AP2A2: variants seen among roughly 807,000 people sequenced by gnomAD.
AP2A2 encodes adaptor related protein complex 2 subunit alpha 2, also known as AP-2 complex subunit alpha-2.
A neutral mutation model predicts 104.2 loss-of-function variants in AP2A2; 32 were observed. That is an observed-to-expected ratio of 0.31 (90% CI 0.23 to 0.41). AP2A2 has a LOEUF of 0.41. Among genes scored for constraint, AP2A2 ranks in the 10% least tolerant of loss-of-function variants. The pLI, the probability that AP2A2 is intolerant of heterozygous loss-of-function variation, is 1.00. For synonymous variants in AP2A2, 539 were observed against 533.3 expected, an observed-to-expected ratio of 1.01 and a Z score of -0.15; for missense variants, 912 against 1,261.0, an observed-to-expected ratio of 0.72 and a Z score of 4.19.
At chr11:943,917 G>A (rs117570565) in intron 1 of AP2A2, among the ~76,000 whole-genome samples, 7,740 of 134,776 alleles carry the variant, frequency 0.057, 358 homozygotes, top group South Asian at 0.095. Flanking sequence ...GATGGCGAGA[G>A]TAAGAGAGTC....
At chr11:959,336 C>A in intron 1 of AP2A2, 101 bp from the exon 2 acceptor site, 2 of 798,146 alleles carry the variant, frequency 2.5e-6, no homozygotes, top group Non-Finnish European at 4.1e-6. Flanking sequence ...TGAAACGGGG[C>A]CTCATCCCAT....
chr11:994,418 G>C (rs896012151), intron 14 of AP2A2, among the ~76,000 whole-genome samples, 173 bp downstream of exon 14: 49 of 112,614 alleles, frequency 4.4e-4, no homozygotes, highest in East Asian at 8.9e-4. Context: ...TGCTGGACAC[G>C]CTGCTGTCCT....
chr11:971,352 T>C (rs574615257), intron 3 of AP2A2, among the ~76,000 whole-genome samples: 14 of 152,138 alleles, frequency 9.2e-5, no homozygotes, highest in Non-Finnish European at 1.9e-4. Flanking sequence ...TGCCTGGCAG[T>C]GGCCTGGGCG....
chr11:940,106 C>A (rs1169002046), intron 1 of AP2A2, among the ~76,000 whole-genome samples: 1 of 151,882 alleles, frequency 6.6e-6, no homozygotes, highest in Non-Finnish European at 1.5e-5. Flanking sequence ...AGGTGTGTGC[C>A]ACCTGTCTGG....
intron 3 of AP2A2, 80 bp downstream of exon 3, chr11:970,391 C>T (rs1854776607): frequency 6.5e-7 from 1 of 1,542,120 alleles, no homozygotes; most frequent in Non-Finnish European, 8.8e-7. Context: ...TGTAGGGCCG[C>T]TGCTTCCTTC....
chr11:1,006,394 T>G (rs1031433907), intron 16 of AP2A2, 134 bp from the exon 17 acceptor site: 19 of 685,816 alleles, frequency 2.8e-5, no homozygotes, highest in South Asian at 7.7e-5. Context: ...GTTCTTAATT[T>G]TAACAACAGT....
At chr11:967,654 G>A (rs943705349) in intron 2 of AP2A2, among the ~76,000 whole-genome samples, 4 of 152,022 alleles carry the variant, frequency 2.6e-5, no homozygotes, top group African/African-American at 7.3e-5. Flanking sequence ...GCCACCATGC[G>A]CGGCCCTGTT....
At chr11:939,941 G>GT (rs1853588273) in intron 1 of AP2A2, among the ~76,000 whole-genome samples, 1 of 138,974 alleles carries the variant, frequency 7.2e-6, no homozygotes, top group Non-Finnish European at 1.5e-5. Context: ...ATTGCCTTTT[G>GT]TTTTGCTTAC....
chr11:985,309 C>T (rs1284544008), intron 7 of AP2A2, 126 bp from the exon 8 acceptor site: 13 of 1,274,946 alleles, frequency 1.0e-5, no homozygotes, highest in South Asian at 3.0e-5. Context: ...ATGCTTCCAG[C>T]TGGGTACACA....
chr11:951,591 A>G (rs1489043769), intron 1 of AP2A2, among the ~76,000 whole-genome samples: 1 of 152,104 alleles, frequency 6.6e-6, no homozygotes, highest in South Asian at 2.1e-4. Flanking sequence ...TCGTGGCTGG[A>G]CCAGTGCTTT....
chr11:950,311 GTT>G (rs367721619), intron 1 of AP2A2, among the ~76,000 whole-genome samples: 124 of 133,850 alleles, frequency 9.3e-4, no homozygotes, highest in African/African-American at 3.0e-3. Flanking sequence ...TTGGAATATG[GTT>G]TTTTTTTTTT....
chr11:951,399 C>T lies in AP2A2; in HGVS notation c.68-8038C>T, dbSNP rs542359945. Among the ~76,000 whole-genome samples, 39 of 152,066 alleles carry T rather than the reference C, an allele frequency of 2.6e-4. No individual in the cohort carries two copies. In the South Asian group the frequency reaches 6.0e-3, roughly 23 times the overall value. On this transcript the variant is annotated intron_variant, in intron 1 of 21. Coordinates refer to ENST00000448903, the MANE Select transcript of AP2A2 (RefSeq NM_012305.4). ...AAAATTAGCTGGGCGTAGTGGCAGG[C>T]GCCTGTAATTCCAGCTACTTGGGAG...
At chr11:977,061 C>T in intron 4 of AP2A2, 34 bp from the exon 5 acceptor site, 1 of 1,612,398 alleles carries the variant, frequency 6.2e-7, no homozygotes. Context: ...TGTCTTCAGC[C>T]TGTTGCGAGT....
chr11:986,978 G>A, intron 9 of AP2A2, 25 bp downstream of exon 9: 1 of 1,556,440 alleles, frequency 6.4e-7, no homozygotes, highest in South Asian at 1.2e-5. Context: ...CTTGGGTTCT[G>A]CTCACTCCCT....
rs73393715 is a variant in AP2A2, at chr11:1,010,650, G to A, written c.*25G>A. On this transcript the variant is annotated 3_prime_UTR_variant, in exon 22 of 22. Coordinates refer to ENST00000448903, the MANE Select transcript of AP2A2 (RefSeq NM_012305.4). ...GTCCTGAGGATGGAAGACCAGGCTC[G>A]TGTGTCTTGTGTTGTCTTCGTCTGT... 3.1e-4 allele frequency: 483 copies of A among 1,546,028 alleles called. 2 individuals are homozygous for A. In the African/African-American group the frequency reaches 5.7e-3, roughly 18 times the overall value.
Position 1,006,511 on chromosome 11 carries a change from GT to G in AP2A2, c.2207-12del, listed in dbSNP as rs1197921662. 2 of 1,595,168 alleles carry G rather than the reference GT, an allele frequency of 1.3e-6. No homozygotes were observed. Among genetic ancestry groups the G allele is most frequent in the Non-Finnish European group, 1.7e-6 (2 of 1,165,726 alleles). ...GTGAAATGGTGTGTGTGAAAAAATTGTTTTTGTTCCTTCTAGGTCGGATGTT... is the reference window on the plus strand; with the variant it reads ...GTGAAATGGTGTGTGTGAAAAAATTGTTTTGTTCCTTCTAGGTCGGATGTT... On this transcript the variant is annotated splice_polypyrimidine_tract_variant and intron_variant, in intron 16 of 21. Coordinates refer to ENST00000448903, the MANE Select transcript of AP2A2 (RefSeq NM_012305.4).
At chr11:953,593 G>T (rs1854125232) in intron 1 of AP2A2, among the ~76,000 whole-genome samples, 1 of 151,130 alleles carries the variant, frequency 6.6e-6, no homozygotes, top group Admixed American at 6.6e-5. Context: ...GGCAGCTGCA[G>T]TTGGAAGTCC....
At chr11:936,109 G>A (rs565326337) in intron 1 of AP2A2, among the ~76,000 whole-genome samples, 8 of 142,602 alleles carry the variant, frequency 5.6e-5, no homozygotes, top group Middle Eastern at 9.3e-3. Flanking sequence ...GGGTTTCACC[G>A]TGTTAGCCAG....
chr11:1,008,222 T>C (rs144850017), intron 18 of AP2A2, 87 bp downstream of exon 18: 21,114 of 1,468,368 alleles, frequency 0.014, 190 homozygotes, highest in Non-Finnish European at 0.017. Flanking sequence ...CTCCGTGTCC[T>C]TCCTGAGGGG....
Sources: allele counts gnomAD v4.1 joint callset (sites outside exome capture counted in the v4.1 genomes callset), GRCh38; gene constraint gnomAD v4.1.1; transcripts MANE v1.5; gene names NCBI Gene and HGNC (gene_info 2026-07-23, HGNC 2026-07-21).